The following DCC variants were observed in gnomAD, a reference collection of about 807,000 sequenced individuals.
The protein encoded by DCC is netrin receptor DCC.
A neutral mutation model predicts 172.5 loss-of-function variants in DCC; 58 were observed. The ratio of observed to expected loss-of-function variants is 0.34; its 90% CI spans 0.27 to 0.42. The LOEUF is 0.42. Among genes scored for constraint, DCC ranks in the 10% least tolerant of loss-of-function variants. DCC has a pLI of 1.00. For missense variants in DCC, 1,740 were observed against 1,791.0 expected (o/e 0.97, Z 0.51); for synonymous variants, 709 against 644.5 (o/e 1.10, Z -1.52).
At chr18:52,693,369 C>A (rs868822210) in intron 1 of DCC, among the ~76,000 whole-genome samples, 1 of 146,454 alleles carries the variant, frequency 6.8e-6, no homozygotes, top group South Asian at 2.1e-4. Context: ...GAATATATAA[C>A]TATATATTGT....
chr18:52,999,668 G>A (rs11082961), intron 5 of DCC, among the ~76,000 whole-genome samples: 17,177 of 152,058 alleles, frequency 0.11, 1,358 homozygotes, highest in East Asian at 0.3. Flanking sequence ...TTTCAAAACC[G>A]TAAGAGAAAT....
intron 5 of DCC, among the ~76,000 whole-genome samples, chr18:52,980,292 T>A (rs2041189301): frequency 6.6e-6 from 1 of 152,184 alleles, no homozygotes; most frequent in Non-Finnish European, 1.5e-5. Flanking sequence ...TATTTTTTTT[T>A]AGATTGAATT....
At chr18:53,525,257 T>C (rs1421220228) in intron 27 of DCC, among the ~76,000 whole-genome samples, 2 of 152,086 alleles carry the variant, frequency 1.3e-5, no homozygotes, top group Admixed American at 6.6e-5. Context: ...TGTTATTTTG[T>C]CCAAAATGAA....
intron 1 of DCC, among the ~76,000 whole-genome samples, chr18:52,635,286 G>T (rs1414867628): frequency 6.6e-6 from 1 of 152,146 alleles, no homozygotes; most frequent in East Asian, 1.9e-4. Context: ...GTCCTTTGAT[G>T]CAGGGCAATT....
At chr18:53,210,079 G>A (rs138123540) in intron 11 of DCC, among the ~76,000 whole-genome samples, 13 of 152,282 alleles carry the variant, frequency 8.5e-5, no homozygotes, top group African/African-American at 3.1e-4. Context: ...TTCTTAGAGT[G>A]GACACCGTGA....
intron 27 of DCC, among the ~76,000 whole-genome samples, chr18:53,511,676 T>A (rs1204006948): frequency 1.3e-5 from 2 of 152,176 alleles, no homozygotes; most frequent in East Asian, 3.9e-4. Flanking sequence ...GAGTTCCCTT[T>A]CCGAGTCAAA....
intron 5 of DCC, among the ~76,000 whole-genome samples, chr18:52,973,574 A>G (rs765747933): frequency 6.6e-6 from 1 of 152,276 alleles, no homozygotes; most frequent in African/African-American, 2.4e-5. Context: ...TTAGACTAGC[A>G]TGAGATTTCC....
intron 15 of DCC, among the ~76,000 whole-genome samples, chr18:53,374,861 C>T (rs1415982119): frequency 6.6e-6 from 1 of 152,136 alleles, no homozygotes; most frequent in Admixed American, 6.5e-5. Context: ...ATGCAATCTG[C>T]ACTCTTCTTA....
rs1016749040 is a variant in DCC, at chr18:52,435,952, T to G, written c.91+95074T>G. On this transcript the variant is annotated intron_variant, in intron 1 of 28. Transcript: ENST00000442544. ...CAAACAGGCCTTCTAAACGATCAGA[T>G]GACCCATGGCAACCATCTCCCCAGT... 4.6e-5 allele frequency among the ~76,000 whole-genome samples: 7 copies of G among 152,350 alleles called. No homozygotes were observed. The East Asian group carries it at 1.4e-3, about 29-fold the overall frequency.
intron 2 of DCC, among the ~76,000 whole-genome samples, chr18:52,844,566 T>C: frequency 6.6e-6 from 1 of 152,206 alleles, no homozygotes; most frequent in East Asian, 1.9e-4. Context: ...CATTATTTTA[T>C]TCATTTATCT....
At chr18:52,836,836 G>A (rs1598852377) in intron 2 of DCC, among the ~76,000 whole-genome samples, 2 of 152,328 alleles carry the variant, frequency 1.3e-5, no homozygotes, top group Non-Finnish European at 1.5e-5. Context: ...TGTTTGCAGG[G>A]TTCCAACTCC....
At chr18:53,015,042 C>T (rs2041789518) in intron 5 of DCC, among the ~76,000 whole-genome samples, 1 of 152,158 alleles carries the variant, frequency 6.6e-6, no homozygotes, top group Non-Finnish European at 1.5e-5. Context: ...GTAAAATGAT[C>T]ATTCTTTCAA....
chr18:52,354,299 C>T (rs1984262715), intron 1 of DCC, among the ~76,000 whole-genome samples: 1 of 152,116 alleles, frequency 6.6e-6, no homozygotes, highest in African/African-American at 2.4e-5. Context: ...AGATTTTCAG[C>T]AGGGAAATGG....
At chr18:52,493,120 C>T (rs2030586921) in intron 1 of DCC, among the ~76,000 whole-genome samples, 1 of 152,032 alleles carries the variant, frequency 6.6e-6, no homozygotes, top group Non-Finnish European at 1.5e-5. Flanking sequence ...GTATGACTTC[C>T]AGCAAATGGC....
chr18:53,369,369 G>A (rs1227677481), intron 15 of DCC, among the ~76,000 whole-genome samples: 1 of 151,836 alleles, frequency 6.6e-6, no homozygotes, highest in Admixed American at 6.6e-5. Flanking sequence ...GCTAAAAACT[G>A]AAAAGTTATA....
rs1260650360 is a variant in DCC at position 52,778,386 on chromosome 18, T to C, written c.412+26012T>C. 2.0e-5 allele frequency among the ~76,000 whole-genome samples: 3 copies of C among 152,324 alleles called. No individual in the cohort carries two copies. The East Asian group carries it at 5.8e-4, about 29-fold the overall frequency. ...TAGAATTTTTTAATTTTTTGCATTG[T>C]CTTATAATGCCTATTTCACTATTAA... On this transcript the variant is annotated intron_variant, in intron 2 of 28. Coordinates refer to ENST00000442544, the MANE Select transcript of DCC (RefSeq NM_005215.4).
chr18:52,874,920 T>C (rs1337079239), intron 2 of DCC, among the ~76,000 whole-genome samples: 1 of 151,848 alleles, frequency 6.6e-6, no homozygotes, highest in Non-Finnish European at 1.5e-5. Flanking sequence ...CAGGGAAGGG[T>C]GAACAGTGTA....
chr18:52,587,691 T>C (rs1366152645), intron 1 of DCC, among the ~76,000 whole-genome samples: 1 of 152,202 alleles, frequency 6.6e-6, no homozygotes, highest in Non-Finnish European at 1.5e-5. Flanking sequence ...TGGGAAGATT[T>C]ACCTTCACCA....
At chr18:52,387,154 A>G (rs1985831808) in intron 1 of DCC, among the ~76,000 whole-genome samples, 2 of 152,300 alleles carry the variant, frequency 1.3e-5, no homozygotes, top group East Asian at 3.9e-4. Flanking sequence ...TTAAATGGCA[A>G]CAACTATTGA....
Sources: allele counts gnomAD v4.1 joint callset (sites outside exome capture counted in the v4.1 genomes callset), GRCh38; gene constraint gnomAD v4.1.1; transcripts MANE v1.5; gene names NCBI Gene and HGNC (gene_info 2026-07-23, HGNC 2026-07-21).